Variants in RORB observed in about 807,000 individuals in gnomAD.
The protein encoded by RORB is nuclear receptor ROR-beta.
RORB carries 6 observed loss-of-function variants against 59.1 expected under a neutral mutation model. That is an observed-to-expected ratio of 0.10 (90% CI 0.06 to 0.20). The LOEUF (loss-of-function observed/expected upper bound fraction) is 0.20, where lower values mean the gene tolerates loss of function less well. RORB is among the 10% of genes least tolerant of loss of function. RORB has a pLI of 1.00. For synonymous variants in RORB, 215 were observed against 204.5 expected, an observed-to-expected ratio of 1.05 and a Z score of -0.44; for missense variants, 320 against 560.5, an observed-to-expected ratio of 0.57 and a Z score of 4.33.
rs1824683919 is a variant in RORB, at chr9:74,688,439, A to C, written c.*2821A>C. The C allele has an allele frequency of 6.6e-6, 1 of 152,194 alleles. No homozygotes were observed. Among genetic ancestry groups the C allele is most frequent in the Non-Finnish European group, 1.5e-5 (1 of 68,038 alleles). 9.4% of individuals were successfully genotyped at this position (152,194 alleles called of 1,614,324 possible). A position where few individuals can be genotyped will look rare whatever the true frequency, so the allele number is the denominator to read the frequency against. ...CCCAGAACTTGGTTCCTTCCCCATG[A>C]GGACTAACAAATGTTCACAACAATC... On this transcript the variant is annotated 3_prime_UTR_variant, in exon 10 of 10. Transcript: ENST00000376896.
intron 1 of RORB, among the ~76,000 whole-genome samples, chr9:74,525,002 T>C (rs1202948562): frequency 1.3e-5 from 2 of 151,868 alleles, no homozygotes; most frequent in African/African-American, 4.8e-5. Context: ...AAGTACCCAA[T>C]AATTACTCAT....
chr9:74,575,658 C>A (rs1409731532), intron 1 of RORB, among the ~76,000 whole-genome samples: 1 of 152,082 alleles, frequency 6.6e-6, no homozygotes, highest in African/African-American at 2.4e-5. Context: ...AAAAATCTGA[C>A]TACTAGAGCT....
At chr9:74,605,275 G>A (rs779291057) in intron 1 of RORB, among the ~76,000 whole-genome samples, 4 of 152,168 alleles carry the variant, frequency 2.6e-5, no homozygotes, top group African/African-American at 4.8e-5. Flanking sequence ...ATTCTCATTC[G>A]GAAACAGATT....
intron 1 of RORB, among the ~76,000 whole-genome samples, chr9:74,514,900 C>T (rs1825987040): frequency 6.6e-6 from 1 of 151,332 alleles, no homozygotes; most frequent in Admixed American, 6.6e-5. Flanking sequence ...AATTATGCAA[C>T]ATAATATTGA....
In RORB at chr9:74,526,992, T is replaced by G. The variant is rs565886169; in HGVS notation, c.7+29009T>G. ...GTTGGGATTAAAGAGCTAAATTCCA[T>G]CAAGTGCCAATATTATATGTTGATA... is the stretch of plus-strand genomic sequence containing the variant. On this transcript the variant is annotated intron_variant, in intron 1 of 9. Transcript: ENST00000376896. 3.3e-5 allele frequency among the ~76,000 whole-genome samples: 5 copies of G among 151,974 alleles called. No homozygotes were observed. The East Asian group carries it at 9.8e-4, about 30-fold the overall frequency.
At chr9:74,660,930 C>T (rs1363952349) in intron 5 of RORB, among the ~76,000 whole-genome samples, 192 bp downstream of exon 5, 1 of 152,208 alleles carries the variant, frequency 6.6e-6, no homozygotes, top group African/African-American at 2.4e-5. Context: ...CTTGTGACAA[C>T]CAGAAATGTC....
At chr9:74,559,485 C>T (rs1288713060) in intron 1 of RORB, among the ~76,000 whole-genome samples, 1 of 152,148 alleles carries the variant, frequency 6.6e-6, no homozygotes, top group Non-Finnish European at 1.5e-5. Context: ...CCTTAGCTAC[C>T]ATGATTCCTT....
intron 1 of RORB, among the ~76,000 whole-genome samples, chr9:74,558,609 C>T (rs941730395): frequency 9.2e-5 from 14 of 152,140 alleles, no homozygotes; most frequent in African/African-American, 3.1e-4. Context: ...TTCAGAATTT[C>T]CAGTGTATTT....
At chr9:74,499,866 T>G (rs1825782952) in intron 1 of RORB, among the ~76,000 whole-genome samples, 1 of 152,268 alleles carries the variant, frequency 6.6e-6, no homozygotes, top group South Asian at 2.1e-4. Flanking sequence ...ATGCGCCACC[T>G]CAGCTCGGAC....
At chr9:74,577,722 G>C (rs923272365) in intron 1 of RORB, among the ~76,000 whole-genome samples, 4 of 152,024 alleles carry the variant, frequency 2.6e-5, no homozygotes, top group African/African-American at 9.7e-5. Flanking sequence ...TAGCCTCACT[G>C]ATCCTCAGAT....
chr9:74,676,052 G>A (rs1378440153), intron 9 of RORB, among the ~76,000 whole-genome samples: 1 of 152,198 alleles, frequency 6.6e-6, no homozygotes, highest in Non-Finnish European at 1.5e-5. Flanking sequence ...TCCAGCTGGG[G>A]CCAAGTTGTG....
intron 1 of RORB, among the ~76,000 whole-genome samples, chr9:74,552,361 T>G (rs77742978): frequency 0.012 from 1,886 of 152,226 alleles, 31 homozygotes; most frequent in African/African-American, 0.043. Flanking sequence ...ACAGACAACC[T>G]GAGTTTGAAT....
Position 74,549,675 on chromosome 9 carries a change from TCTGTATTTTTTGACTGCTTGTAGGATTAA to T in RORB, c.7+51721_7+51749del, listed in dbSNP as rs1245225941. Among the ~76,000 whole-genome samples the T allele has an allele frequency of 6.1e-4, 93 of 151,842 alleles. 2 individuals carry two copies. Among genetic ancestry groups the T allele is most frequent in the South Asian group, 2.1e-4 (1 of 4,800 alleles). On this transcript the variant is annotated intron_variant, in intron 1 of 9. Coordinates refer to ENST00000376896, the MANE Select transcript of RORB (RefSeq NM_006914.4). ...AGAGAAGAGACTGCTTGTAGGATTA[TCTGTATTTTTTGACTGCTTGTAGGATTAA>T]CTGTATTTTTTGACTGCTTGTAGGA...
chr9:74,655,689 C>G (rs2053767944), intron 4 of RORB, among the ~76,000 whole-genome samples: 1 of 152,150 alleles, frequency 6.6e-6, no homozygotes, highest in South Asian at 2.1e-4. Context: ...TTTGGCCTTT[C>G]TTTTTAAATC....
rs138278806 is a variant in RORB, at chr9:74,607,996, A to G, written c.8-22286A>G. 2.4e-4 allele frequency among the ~76,000 whole-genome samples: 37 copies of G among 152,270 alleles called. No homozygotes were observed. The East Asian group carries it at 6.6e-3, about 27-fold the overall frequency. ...TGTTTTGCAACGTGCTGAACTCCCC[A>G]TTGTTGAATACATGCTGAATGAGAA... On this transcript the variant is annotated intron_variant, in intron 1 of 9. Transcript: ENST00000376896.
intron 2 of RORB, among the ~76,000 whole-genome samples, chr9:74,632,700 C>T (rs980773163): frequency 2.6e-5 from 4 of 152,146 alleles, no homozygotes; most frequent in African/African-American, 9.7e-5. Context: ...TCTGTCCTGT[C>T]AACTCTTTTG....
chr9:74,670,156 T>G (rs967090621), intron 8 of RORB, among the ~76,000 whole-genome samples: 2 of 152,170 alleles, frequency 1.3e-5, no homozygotes, highest in Non-Finnish European at 2.9e-5. Context: ...TTTTCTCTGT[T>G]AGCAGCCACA....
chr9:74,537,348 C>A (rs1475760654), intron 1 of RORB, among the ~76,000 whole-genome samples: 2 of 151,912 alleles, frequency 1.3e-5, no homozygotes, highest in Non-Finnish European at 2.9e-5. Flanking sequence ...CTGCATATGG[C>A]TTTCTAGTTC....
chr9:74,660,763 T>G, intron 5 of RORB, 25 bp downstream of exon 5: 2 of 1,604,426 alleles, frequency 1.2e-6, no homozygotes, highest in Non-Finnish European at 1.7e-6. Flanking sequence ...CATGAGAAAG[T>G]TTTTCTGTGA....
Sources: gnomAD v4.1 joint callset for allele counts (sites outside exome capture counted in the v4.1 genomes callset) on GRCh38, gnomAD v4.1.1 for gene constraint, MANE v1.5 for transcripts, NCBI Gene and HGNC (gene_info 2026-07-23, HGNC 2026-07-21) for gene names.